SNX5: variants seen among roughly 807,000 people sequenced by gnomAD.
The protein encoded by SNX5 is sorting nexin 5.
Under a neutral mutation model 53.9 loss-of-function variants are expected in SNX5, and 31 were observed. That is an observed-to-expected ratio of 0.58 (90% CI 0.43 to 0.78). The LOEUF is 0.78. Ranked by LOEUF, SNX5 falls within the 30% of genes least tolerant of loss-of-function variation. The pLI, the probability that SNX5 is intolerant of heterozygous loss-of-function variation, is 0.00. For synonymous variants in SNX5, 168 were observed against 171.1 expected, an observed-to-expected ratio of 0.98 and a Z score of 0.14; for missense variants, 471 against 478.8, an observed-to-expected ratio of 0.98 and a Z score of 0.15.
At chr20:17,943,375 T>C in intron 11 of SNX5, 180 bp from the exon 12 acceptor site, 1 of 579,910 alleles carries the variant, frequency 1.7e-6, no homozygotes, top group Non-Finnish European at 3.1e-6. Context: ...ACTGTGGTGA[T>C]ACAGCTATCA....
chr20:17,957,179 T>C, intron 1 of SNX5, 142 bp from the exon 2 acceptor site: 1 of 636,896 alleles, frequency 1.6e-6, no homozygotes, highest in East Asian at 2.8e-5. Flanking sequence ...CTCACCCCTG[T>C]AATCCCAGCA....
At chr20:17,947,935 A>G (rs964184892) in intron 10 of SNX5, among the ~76,000 whole-genome samples, 6 of 152,220 alleles carry the variant, frequency 3.9e-5, no homozygotes, top group African/African-American at 1.4e-4. Flanking sequence ...TAAAAATTAA[A>G]TATTGTGTAT....
At chr20:17,946,390 G>T (rs1034710124) in intron 11 of SNX5, among the ~76,000 whole-genome samples, 1 of 152,202 alleles carries the variant, frequency 6.6e-6, no homozygotes, top group Non-Finnish European at 1.5e-5. Context: ...GGAGCAGAGA[G>T]TAAGATTAGC....
chr20:17,955,247 T>G (rs1478561472), intron 3 of SNX5, 118 bp downstream of exon 3: 3 of 674,156 alleles, frequency 4.5e-6, no homozygotes, highest in African/African-American at 3.6e-5. Flanking sequence ...AATACTCCAG[T>G]AGGTAGATGA....
rs575893184 is a variant in SNX5, at chr20:17,953,940, A to G, written c.389+56T>C. 5.5e-6 allele frequency: 8 copies of G among 1,441,530 alleles called. No individual in the cohort carries two copies. In the Admixed American group the frequency reaches 5.7e-5, roughly 10 times the overall value. 89.3% of individuals were successfully genotyped at this position (1,441,530 alleles called of 1,614,324 possible). On this transcript the variant is annotated intron_variant, in intron 4 of 12. Coordinates refer to ENST00000377759, the MANE Select transcript of SNX5 (RefSeq NM_014426.4). ...CAGGTTCTTCTACTTATTTTTGTAC[A>G]CAGCACCACTTTTCTACTTCTCAAA...
chr20:17,945,610 T>C (rs1276856192), intron 11 of SNX5: 1 of 150,092 alleles, frequency 6.7e-6, no homozygotes, highest in East Asian at 1.9e-4. Context: ...TCCTTGAAAA[T>C]TTTAGTTTTA....
chr20:17,949,117 T>C lies in SNX5; in HGVS notation c.792-14A>G, dbSNP rs771588055. On this transcript the variant is annotated splice_polypyrimidine_tract_variant and intron_variant, in intron 8 of 12. Transcript: ENST00000377759. Reference sequence around the variant, plus strand: ...TTCAATAGGTACCTGGAAATGTACATATAATTTTGGTTTAAGGTCTTAAAT... The same window carrying C: ...TTCAATAGGTACCTGGAAATGTACACATAATTTTGGTTTAAGGTCTTAAAT... The C allele has an allele frequency of 6.2e-6, 10 of 1,612,044 alleles. No individual in the cohort carries two copies. In the African/African-American group the frequency reaches 8.0e-5, roughly 13 times the overall value.
In SNX5 at chr20:17,950,307, C is replaced by T. The variant is rs2039547996; in HGVS notation, c.699G>A (p.Met233Ile). Residue 233 changes from methionine (M) to isoleucine (I), a missense_variant, in exon 7 of 13, where the codon ATG becomes ATA. Physicochemically the swap from Met to Ile is conservative, Grantham distance 10. Transcript: ENST00000377759. ...IKDSCVKADK[M>I]TRSHKNVADD... ...GATATTTACTTTTATGAGATCTGGT[C>T]ATTTTGTCAGCTTTCACACAAGAAT... 10 of 1,612,344 alleles carry T rather than the reference C, an allele frequency of 6.2e-6. No homozygotes were observed. Among genetic ancestry groups the T allele is most frequent in the African/African-American group, 1.3e-5 (1 of 74,982 alleles).
chr20:17,955,354 A>G lies in SNX5; in HGVS notation c.267+11T>C. On this transcript the variant is annotated intron_variant, in intron 3 of 12. Coordinates refer to ENST00000377759, the MANE Select transcript of SNX5 (RefSeq NM_014426.4). ...AAAGAACTAGCTTATTTGATTTTCT[A>G]AAAGACTCACAATAAGCCCAGCATA... The G allele has an allele frequency of 3.1e-6, 5 of 1,591,880 alleles. No individual in the cohort carries two copies. The African/African-American group carries it at 4.0e-5, about 13-fold the overall frequency.
chr20:17,954,129 G>T lies in SNX5; in HGVS notation c.268-12C>A. The T allele has an allele frequency of 6.2e-7, 1 of 1,612,746 alleles. No individual in the cohort carries two copies. Among genetic ancestry groups the T allele is most frequent in the Non-Finnish European group, 8.5e-7 (1 of 1,179,354 alleles). On this transcript the variant is annotated splice_polypyrimidine_tract_variant and intron_variant, in intron 3 of 12. Coordinates refer to ENST00000377759, the MANE Select transcript of SNX5 (RefSeq NM_014426.4). ...GGAGCAGGTGGAATCTGCAGCAGAGGCAGGAACTCATGAGCCTCTTGTCCC... is the reference window on the plus strand; with the variant it reads ...GGAGCAGGTGGAATCTGCAGCAGAGTCAGGAACTCATGAGCCTCTTGTCCC...
intron 1 of SNX5, among the ~76,000 whole-genome samples, chr20:17,959,609 A>G (rs1014944184): frequency 2.0e-5 from 3 of 152,232 alleles, no homozygotes; most frequent in African/African-American, 7.2e-5. Flanking sequence ...TCTAAAAGAG[A>G]GTATTGGCAA....
At chr20:17,942,717 G>A in intron 12 of SNX5, 2 of 416,454 alleles carry the variant, frequency 4.8e-6, no homozygotes. Context: ...CACTATCAGT[G>A]CGTTGTTCCA....
chr20:17,961,233 C>T (rs1169110845), intron 1 of SNX5: 6 of 985,330 alleles, frequency 6.1e-6, no homozygotes, highest in Admixed American at 1.2e-4. Context: ...TTCATAAACT[C>T]ACTTTTGGTC....
chr20:17,942,181 CAAT>C lies in SNX5; in HGVS notation c.*173_*175del, dbSNP rs1252333910. The C allele has an allele frequency of 5.1e-5, 30 of 589,872 alleles. No homozygotes were observed. The highest frequency in any genetic ancestry group is 3.9e-4 in the South Asian group (19 of 49,310). 36.5% of individuals were successfully genotyped at this position (589,872 alleles called of 1,614,324 possible). ...AAATTAGTTATGTCCAAGTAGCAAG[CAAT>C]AATATTTTTAAACCAACATGGTTAA... On this transcript the variant is annotated 3_prime_UTR_variant, in exon 13 of 13. Transcript: ENST00000377759.
Position 17,952,597 on chromosome 20 carries a change from T to C in SNX5, c.503A>G (p.Tyr168Cys), listed in dbSNP as rs141177501. 6.2e-7 allele frequency: 1 copy of C among 1,613,852 alleles called. No individual in the cohort carries two copies. The highest frequency in any genetic ancestry group is 1.7e-5 in the Admixed American group (1 of 59,958). Reference sequence around the variant, plus strand: ...ATAAAAATGCCTTACATCCTGATCATATTCCAGGAAAACATGAAAGTTGCG... The same window carrying C: ...ATAAAAATGCCTTACATCCTGATCACATTCCAGGAAAACATGAAAGTTGCG... ...KDRNFHVFLEYDQDLSVRRKN... is the reference protein window; with the variant it reads ...KDRNFHVFLECDQDLSVRRKN... Residue 168 changes from tyrosine to cysteine, a missense_variant, in exon 5 of 13, where the codon TAT becomes TGT. Physicochemically the swap from Tyr to Cys is radical, Grantham distance 194 (BLOSUM62 -2). Transcript: ENST00000377759.
chr20:17,953,057 G>A (rs1479166679), intron 4 of SNX5, among the ~76,000 whole-genome samples: 1 of 152,168 alleles, frequency 6.6e-6, no homozygotes, highest in Non-Finnish European at 1.5e-5. Flanking sequence ...TACAGCATGA[G>A]TCTAATGAAG....
chr20:17,958,266 G>C (rs2035396100), intron 1 of SNX5, among the ~76,000 whole-genome samples: 1 of 152,166 alleles, frequency 6.6e-6, no homozygotes, highest in African/African-American at 2.4e-5. Flanking sequence ...TTACAATTAA[G>C]AAGATGAGGT....
Position 17,957,184 on chromosome 20 carries a change from C to T in SNX5, c.52-147G>A. ...GGCGCGGCGGCTCACCCCTGTAATC[C>T]CAGCACTTTGGGAGGCCAAGGCGGG... On this transcript the variant is annotated intron_variant, in intron 1 of 12. Coordinates refer to ENST00000377759, the MANE Select transcript of SNX5 (RefSeq NM_014426.4). 4.7e-6 allele frequency: 3 copies of T among 633,280 alleles called. No individual in the cohort carries two copies. In the South Asian group the frequency reaches 5.3e-5, roughly 11 times the overall value. 39.2% of individuals were successfully genotyped at this position (633,280 alleles called of 1,614,324 possible). A position where few individuals can be genotyped will look rare whatever the true frequency, so the allele number is the denominator to read the frequency against.
At chr20:17,951,878 C>A (rs2039574097) in intron 5 of SNX5, among the ~76,000 whole-genome samples, 2 of 152,154 alleles carry the variant, frequency 1.3e-5, no homozygotes, top group Admixed American at 1.3e-4. Context: ...TCTCTTCTAT[C>A]CATATTAAGT....
Sources: gnomAD v4.1 joint callset for allele counts (sites outside exome capture counted in the v4.1 genomes callset) on GRCh38, gnomAD v4.1.1 for gene constraint, MANE v1.5 for transcripts, NCBI Gene and HGNC (gene_info 2026-07-23, HGNC 2026-07-21) for gene names.